The following FKBP14 variants were observed in gnomAD, a reference collection of about 807,000 sequenced individuals.
FKBP14 encodes the protein peptidyl-prolyl cis-trans isomerase FKBP14.
FKBP14 carries 20 observed loss-of-function variants against 21.6 expected under a neutral mutation model. That is an observed-to-expected ratio of 0.92 (90% confidence interval 0.65 to 1.34). FKBP14 has a LOEUF of 1.34. FKBP14 is among the 40% of genes most tolerant of loss of function. The pLI, the probability that FKBP14 is intolerant of heterozygous loss-of-function variation, is 0.00. For missense variants in FKBP14, 253 were observed against 249.0 expected, an observed-to-expected ratio of 1.02 and a Z score of -0.11; for synonymous variants, 79 against 86.7, an observed-to-expected ratio of 0.91 and a Z score of 0.49.
rs748958600 is a variant in FKBP14 at position 30,014,888 on chromosome 7, T to C, written c.483A>G (p.Lys161=). The C allele has an allele frequency of 6.3e-7, 1 of 1,579,740 alleles. No individual in the cohort carries two copies. Among genetic ancestry groups the C allele is most frequent in the South Asian group, 1.2e-5 (1 of 84,204 alleles). Residue 161 remains lysine (K), a synonymous_variant, in exon 4 of 4, where the codon AAA becomes AAG. Coordinates refer to ENST00000222803, the MANE Select transcript of FKBP14 (RefSeq NM_017946.4). ...DDWKLSKDEV[K]AYLKKEFEKH... ...TTTCAAACTCCTTCTTTAAATATGC[T>C]TTAACCTACAAAATAACAGATCCCA...
chr7:30,022,858 T>G, intron 1 of FKBP14, 42 bp from the exon 2 acceptor site: 1 of 1,564,704 alleles, frequency 6.4e-7, no homozygotes, highest in Middle Eastern at 1.7e-4. Flanking sequence ...TTATTAACTC[T>G]AAAAAATTTT....
intron 2 of FKBP14, among the ~76,000 whole-genome samples, chr7:30,020,899 TTATCC>T (rs1157789109): frequency 6.6e-6 from 1 of 152,242 alleles, no homozygotes; most frequent in Non-Finnish European, 1.5e-5. Flanking sequence ...TTAGTTAATC[TTATCC>T]TATGAACAAG....
chr7:30,021,589 T>C (rs1790032433), intron 2 of FKBP14, among the ~76,000 whole-genome samples: 1 of 151,638 alleles, frequency 6.6e-6, no homozygotes, highest in South Asian at 2.1e-4. Context: ...GGAGTTTGGC[T>C]CTGTCCCCCA....
rs989299321 is a variant in FKBP14, at chr7:30,011,562, T to C, written c.*3173A>G. ...TATATATATATACTATATATATATA[T>C]ACCATATATATGGTATATATATATA... On this transcript the variant is annotated 3_prime_UTR_variant, in exon 4 of 4. Coordinates refer to ENST00000222803, the MANE Select transcript of FKBP14 (RefSeq NM_017946.4). The C allele has an allele frequency of 1.1e-4, 15 of 142,816 alleles. No individual in the cohort carries two copies. The highest frequency in any genetic ancestry group is 6.0e-4 in the East Asian group (3 of 5,030). The allele number at this position is 142,816 out of a possible 1,614,324, so 8.8% of individuals were successfully genotyped here.
chr7:30,009,125 T>G (rs577127231), downstream of FKBP14, among the ~76,000 whole-genome samples: 74 of 152,306 alleles, frequency 4.9e-4, no homozygotes, highest in Non-Finnish European at 9.1e-4. Context: ...TATGTCCAAG[T>G]GCTCTGCATC....
chr7:30,017,829 A>G (rs1055728065), intron 3 of FKBP14, among the ~76,000 whole-genome samples: 5 of 152,098 alleles, frequency 3.3e-5, no homozygotes, highest in African/African-American at 1.2e-4. Flanking sequence ...CCTGGCCAAT[A>G]TGGTGAAACC....
downstream of FKBP14, among the ~76,000 whole-genome samples, chr7:30,008,734 T>C (rs543991757): frequency 5.4e-3 from 819 of 151,484 alleles, 4 homozygotes; most frequent in African/African-American, 0.019. Context: ...CCCAGCACTT[T>C]GGGAGGCCAA....
At chr7:30,018,717 TAC>T (rs1461416695) in intron 3 of FKBP14, among the ~76,000 whole-genome samples, 1 of 152,188 alleles carries the variant, frequency 6.6e-6, no homozygotes, top group African/African-American at 2.4e-5. Flanking sequence ...AAGCATAAGA[TAC>T]AGTGAACCCT....
intron 3 of FKBP14, among the ~76,000 whole-genome samples, chr7:30,016,614 G>A (rs11767376): frequency 0.15 from 22,061 of 151,844 alleles, 1,642 homozygotes; most frequent in Middle Eastern, 0.19. Flanking sequence ...GGCTGGCCTC[G>A]AACTCCTGAC....
chr7:30,024,059 G>A (rs533450512), intron 1 of FKBP14, among the ~76,000 whole-genome samples: 2 of 152,306 alleles, frequency 1.3e-5, no homozygotes, highest in South Asian at 4.1e-4. Flanking sequence ...GCTGAGTAAT[G>A]CCTGATCCCT....
downstream of FKBP14, among the ~76,000 whole-genome samples, chr7:30,010,242 C>T (rs942077860): frequency 6.6e-5 from 10 of 152,124 alleles, no homozygotes; most frequent in Non-Finnish European, 1.0e-4. Flanking sequence ...CTGCTACACA[C>T]GATAAAACCC....
downstream of FKBP14, among the ~76,000 whole-genome samples, chr7:30,008,588 G>A (rs1047192741): frequency 6.6e-6 from 1 of 151,506 alleles, no homozygotes; most frequent in Non-Finnish European, 1.5e-5. Flanking sequence ...GAGTGTGGTG[G>A]CATGTGTCTG....
chr7:30,012,995 A>G lies in FKBP14; in HGVS notation c.*1740T>C, dbSNP rs1789779333. 6.6e-6 allele frequency: 1 copy of G among 152,160 alleles called. No homozygotes were observed. Among genetic ancestry groups the G allele is most frequent in the Non-Finnish European group, 1.5e-5 (1 of 68,028 alleles). 9.4% of individuals were successfully genotyped at this position (152,160 alleles called of 1,614,324 possible). A position where few individuals can be genotyped will look rare whatever the true frequency, so the allele number is the denominator to read the frequency against. On this transcript the variant is annotated 3_prime_UTR_variant, in exon 4 of 4. Transcript: ENST00000222803. ...ATAACAGTCAATCTTTTTGAATGAC[A>G]ATTTCCTCGTCTATAAATTAGGTAC...
At chr7:30,025,846 T>C (rs886622403) in intron 1 of FKBP14, among the ~76,000 whole-genome samples, 1 of 152,242 alleles carries the variant, frequency 6.6e-6, no homozygotes, top group Non-Finnish European at 1.5e-5. Context: ...GAAACGGCAT[T>C]AGTATATCCT....
intron 2 of FKBP14, among the ~76,000 whole-genome samples, chr7:30,019,419 T>TA (rs1187360724): frequency 1.3e-5 from 2 of 152,108 alleles, no homozygotes; most frequent in Non-Finnish European, 2.9e-5. Context: ...GCTTAGGTAT[T>TA]ACATTTCTAA....
Position 30,026,497 on chromosome 7 carries a change from GA to G in FKBP14, c.11del (p.Phe4SerfsTer7). The stretch of plus-strand genomic sequence containing the variant: ...ACAGAGTCAAGACCGCGTTCCACAA[GA>G]AAAGCCTCATGTTGCTGAAGCAAGG... MRL[F>X]LWNAVLTLFV... On this transcript the variant is annotated frameshift_variant, in exon 1 of 4. Coordinates refer to ENST00000222803, the MANE Select transcript of FKBP14 (RefSeq NM_017946.4). LOFTEE classifies it high-confidence loss of function. The G allele has an allele frequency of 6.2e-7, 1 of 1,610,924 alleles. No individual in the cohort carries two copies. Among genetic ancestry groups the G allele is most frequent in the East Asian group, 2.2e-5 (1 of 44,860 alleles).
Position 30,026,591 on chromosome 7 carries a change from T to C in FKBP14, c.-83A>G. On this transcript the variant is annotated 5_prime_UTR_variant, in exon 1 of 4. Coordinates refer to ENST00000222803, the MANE Select transcript of FKBP14 (RefSeq NM_017946.4). ...TAGATTTAAGAACGTAGTTCAAGGCTTACGGACAAGGGCTTCAGACAAGTT... is the reference window on the plus strand; with the variant it reads ...TAGATTTAAGAACGTAGTTCAAGGCCTACGGACAAGGGCTTCAGACAAGTT... The C allele has an allele frequency of 7.5e-7, 1 of 1,341,684 alleles. No homozygotes were observed. Among genetic ancestry groups the C allele is most frequent in the Non-Finnish European group, 1.0e-6 (1 of 987,164 alleles). The allele number at this position is 1,341,684 out of a possible 1,614,324, so 83.1% of individuals were successfully genotyped here.
chr7:30,015,888 G>A (rs975181224), intron 3 of FKBP14, among the ~76,000 whole-genome samples: 8 of 151,908 alleles, frequency 5.3e-5, no homozygotes, highest in Non-Finnish European at 1.2e-4. Flanking sequence ...GCCTCCCAAA[G>A]TGCTGGGATT....
At chr7:30,019,392 T>C (rs1337607850) in intron 2 of FKBP14, among the ~76,000 whole-genome samples, 2 of 152,112 alleles carry the variant, frequency 1.3e-5, no homozygotes, top group African/African-American at 2.4e-5. Flanking sequence ...TATACATACA[T>C]AGAGATGTAC....
Sources: gnomAD v4.1 joint callset for allele counts (sites outside exome capture counted in the v4.1 genomes callset) on GRCh38, gnomAD v4.1.1 for gene constraint, MANE v1.5 for transcripts, NCBI Gene and HGNC (gene_info 2026-07-23, HGNC 2026-07-21) for gene names.